Variants in RGS6 observed in about 807,000 individuals in gnomAD.
RGS6 encodes the protein regulator of G-protein signaling 6.
A neutral mutation model predicts 78.5 loss-of-function variants in RGS6; 30 were observed. The observed-to-expected ratio is 0.38, with a 90% CI of 0.29 to 0.52. The LOEUF is 0.52. Ranked by LOEUF, RGS6 falls within the 20% of genes least tolerant of loss-of-function variation. The pLI is 0.85. For missense variants in RGS6, 495 were observed against 609.7 expected, an observed-to-expected ratio of 0.81 and a Z score of 1.98; for synonymous variants, 206 against 206.0, an observed-to-expected ratio of 1.00 and a Z score of 0.00.
At chr14:72,254,967 G>A (rs1194034190) in intron 2 of RGS6, among the ~76,000 whole-genome samples, 1 of 152,182 alleles carries the variant, frequency 6.6e-6, no homozygotes, top group African/African-American at 2.4e-5. Context: ...GGTATGGTGA[G>A]GCCAGATGTG....
At chr14:72,345,716 T>C (rs1265884611) in intron 2 of RGS6, among the ~76,000 whole-genome samples, 1 of 151,448 alleles carries the variant, frequency 6.6e-6, no homozygotes, top group Non-Finnish European at 1.5e-5. Flanking sequence ...AGATTCTGTC[T>C]TCTACCTGTT....
In RGS6 at chr14:72,001,509, C is replaced by T. The variant is rs1031999567; in HGVS notation, c.84+36634C>T. On this transcript the variant is annotated intron_variant, in intron 2 of 17. Coordinates refer to ENST00000553525, the MANE Select transcript of RGS6 (RefSeq NM_001204424.2). ...ACACACACACACACACACACACACA[C>T]ACACACACACACAACGCAGCAACAA... Among the ~76,000 whole-genome samples the T allele has an allele frequency of 4.5e-5, 4 of 89,374 alleles. No homozygotes were observed. The East Asian group carries it at 1.3e-3, about 29-fold the overall frequency. 58.6% of individuals were successfully genotyped at this position (89,374 alleles called of 152,430 possible).
At position 72,383,213 on chromosome 14, in the gene RGS6, T is replaced by TATATATATATATACAC. The variant is rs1387301746; in HGVS notation, c.184+31020_184+31021insTATATATATATACACA. On this transcript the variant is annotated intron_variant, in intron 3 of 17. Transcript: ENST00000553525. ...ATATATATATATATATATATATATATACACACAAACACACTAGTATGTGTG... is the reference window on the plus strand; with the variant it reads ...ATATATATATATATATATATATATATATATATATATATACACACACACAAACACACTAGTATGTGTG... 1.9e-4 allele frequency among the ~76,000 whole-genome samples: 22 copies of TATATATATATATACAC among 118,322 alleles called. 2 individuals are homozygous for TATATATATATATACAC. The highest frequency in any genetic ancestry group is 7.0e-4 in the East Asian group (3 of 4,280). 77.6% of individuals were successfully genotyped at this position (118,322 alleles called of 152,430 possible). A position where few individuals can be genotyped will look rare whatever the true frequency, so the allele number is the denominator to read the frequency against.
chr14:72,458,553 T>C (rs537526620), intron 5 of RGS6, among the ~76,000 whole-genome samples, 176 bp downstream of exon 5: 12 of 152,304 alleles, frequency 7.9e-5, no homozygotes, highest in African/African-American at 2.9e-4. Context: ...ACTTAGAGAA[T>C]AGTAAAAGGC....
chr14:72,377,174 G>A (rs1305378625), intron 3 of RGS6, among the ~76,000 whole-genome samples: 1 of 151,958 alleles, frequency 6.6e-6, no homozygotes, highest in African/African-American at 2.4e-5. Flanking sequence ...CACCTATAAA[G>A]ACACAAATAG....
At chr14:71,915,915 C>T in the RGS6 span, among the ~76,000 whole-genome samples, 12 of 152,246 alleles carry the variant, frequency 7.9e-5, no homozygotes, top group Admixed American at 2.0e-4. Context: ...GATGCTCACA[C>T]GCAGAGGACA....
the RGS6 span, among the ~76,000 whole-genome samples, chr14:71,876,473 CT>C: frequency 1.4e-5 from 1 of 72,494 alleles, no homozygotes. Flanking sequence ...GCAACCGCTG[CT>C]TTTTTTTTTT....
chr14:72,233,300 G>A (rs1177670061), intron 2 of RGS6, among the ~76,000 whole-genome samples: 2 of 152,108 alleles, frequency 1.3e-5, no homozygotes, highest in African/African-American at 4.8e-5. Context: ...TGGAGGCTTG[G>A]GTATTTCTTG....
intron 2 of RGS6, among the ~76,000 whole-genome samples, chr14:72,039,283 C>A (rs985279889): frequency 1.3e-5 from 2 of 152,064 alleles, no homozygotes; most frequent in Non-Finnish European, 1.5e-5. Flanking sequence ...GTCCTGTACC[C>A]GCAAAGATAA....
the RGS6 span, among the ~76,000 whole-genome samples, chr14:72,620,236 A>AAGAC: frequency 1.4e-3 from 208 of 152,276 alleles, no homozygotes; most frequent in African/African-American, 4.6e-3. Flanking sequence ...TACCTCCTCC[A>AAGAC]AGACGCCTTC....
At chr14:72,086,732 G>T (rs1224047594) in intron 2 of RGS6, among the ~76,000 whole-genome samples, 6 of 152,198 alleles carry the variant, frequency 3.9e-5, no homozygotes, top group Admixed American at 1.3e-4. Flanking sequence ...GAATTTGTTT[G>T]AAGATATTCC....
intron 15 of RGS6, among the ~76,000 whole-genome samples, chr14:72,528,259 T>C (rs1312152190): frequency 2.0e-5 from 3 of 152,242 alleles, no homozygotes; most frequent in African/African-American, 4.8e-5. Context: ...GCATGCTCTC[T>C]CCAGCTCTCA....
At chr14:72,334,025 C>T (rs78789406) in intron 2 of RGS6, among the ~76,000 whole-genome samples, 1,577 of 152,286 alleles carry the variant, frequency 0.01, 20 homozygotes, top group African/African-American at 0.036. Context: ...CGGATTGTGC[C>T]GGCCTTTCTC....
chr14:72,394,848 G>A (rs2152963002), intron 3 of RGS6, among the ~76,000 whole-genome samples: 1 of 152,294 alleles, frequency 6.6e-6, no homozygotes, highest in East Asian at 1.9e-4. Context: ...TTGGGGAAGT[G>A]ATAAGTGTCC....
chr14:72,463,351 C>G (rs1428903184), intron 6 of RGS6, among the ~76,000 whole-genome samples: 1 of 152,220 alleles, frequency 6.6e-6, no homozygotes, highest in Non-Finnish European at 1.5e-5. Context: ...AGTGAGGGCA[C>G]TCTGGGATGC....
chr14:72,406,224 A>G (rs1312469658), intron 3 of RGS6, among the ~76,000 whole-genome samples: 2 of 152,082 alleles, frequency 1.3e-5, no homozygotes, highest in Non-Finnish European at 2.9e-5. Flanking sequence ...TCTCTACTAA[A>G]AATACAAAAA....
At chr14:72,609,519 G>A in the RGS6 span, among the ~76,000 whole-genome samples, 1 of 152,166 alleles carries the variant, frequency 6.6e-6, no homozygotes, top group Non-Finnish European at 1.5e-5. Context: ...CTCCAACACT[G>A]AAACACTGAG....
At chr14:72,160,058 G>C (rs1276353450) in intron 2 of RGS6, among the ~76,000 whole-genome samples, 2 of 152,206 alleles carry the variant, frequency 1.3e-5, no homozygotes, top group Non-Finnish European at 2.9e-5. Context: ...GTGAGCACCA[G>C]TATCTACTTA....
chr14:72,424,352 G>A (rs1316014139), intron 3 of RGS6, among the ~76,000 whole-genome samples: 1 of 152,202 alleles, frequency 6.6e-6, no homozygotes, highest in Non-Finnish European at 1.5e-5. Flanking sequence ...ATTCAAAGAA[G>A]TAAAGAGTAA....
Sources: allele counts gnomAD v4.1 joint callset (sites outside exome capture counted in the v4.1 genomes callset), GRCh38; gene constraint gnomAD v4.1.1; transcripts MANE v1.5; gene names NCBI Gene and HGNC (gene_info 2026-07-23, HGNC 2026-07-21).